PRR33: variants seen among roughly 807,000 people sequenced by gnomAD.
PRR33 encodes the protein proline rich 33.
PRR33 carries 1 observed loss-of-function variant against 0.5 expected under a neutral mutation model. That is an observed-to-expected ratio of 2.18 (90% CI 0.77 to 10.34). PRR33 has a LOEUF of 10.34. PRR33 is among the 30% of genes most tolerant of loss of function. PRR33 has a pLI of 0.13. For synonymous variants in PRR33, 226 were observed against 110.0 expected (o/e 2.06, Z -6.60); for missense variants, 552 against 251.8 (o/e 2.19, Z -8.07).
chr11:1,917,276 G>A, the PRR33 span, among the ~76,000 whole-genome samples: 3 of 152,160 alleles, frequency 2.0e-5, no homozygotes, highest in Non-Finnish European at 2.9e-5. Context: ...CCAACCATGC[G>A]CACTGGGTGC....
At chr11:1,911,894 G>A in the PRR33 span, among the ~76,000 whole-genome samples, 1 of 150,666 alleles carries the variant, frequency 6.6e-6, no homozygotes, top group African/African-American at 2.4e-5. Context: ...GGAATGGTGG[G>A]TCTCACCTGT....
chr11:1,914,891 C>T, the PRR33 span, among the ~76,000 whole-genome samples: 1 of 133,826 alleles, frequency 7.5e-6, no homozygotes, highest in Admixed American at 7.4e-5. Flanking sequence ...TGTGAGGTCA[C>T]ACACCTGGGA....
chr11:1,901,873 A>C, the PRR33 span, among the ~76,000 whole-genome samples: 1 of 152,258 alleles, frequency 6.6e-6, no homozygotes, highest in Non-Finnish European at 1.5e-5. Flanking sequence ...AAATGGTTTC[A>C]AGGTAGCCGT....
chr11:1,913,450 CT>C, the PRR33 span, among the ~76,000 whole-genome samples: 1 of 152,106 alleles, frequency 6.6e-6, no homozygotes, highest in Non-Finnish European at 1.5e-5. Context: ...CCGGCCCCCG[CT>C]TTCTGATATA....
the PRR33 span, among the ~76,000 whole-genome samples, chr11:1,915,935 G>A: frequency 1.3e-5 from 2 of 151,148 alleles, no homozygotes; most frequent in South Asian, 4.2e-4. Flanking sequence ...AATGATGGAT[G>A]GATGGATGGA....
chr11:1,917,397 C>G, the PRR33 span, among the ~76,000 whole-genome samples: 2 of 152,220 alleles, frequency 1.3e-5, no homozygotes, highest in Non-Finnish European at 2.9e-5. Flanking sequence ...CTCCCCACTC[C>G]CTGGGCTTGG....
chr11:1,915,533 G>C, the PRR33 span, among the ~76,000 whole-genome samples: 2 of 105,512 alleles, frequency 1.9e-5, no homozygotes, highest in African/African-American at 7.7e-5. Flanking sequence ...GGATGTTTCT[G>C]TGTGTGTGTG....
the PRR33 span, among the ~76,000 whole-genome samples, chr11:1,908,579 A>G: frequency 6.6e-6 from 1 of 152,124 alleles, no homozygotes; most frequent in African/African-American, 2.4e-5. Context: ...AAAATGTTCA[A>G]ATTCTACTTT....
At chr11:1,889,279 G>A in exon 1 of PRR33, 1 of 696,826 alleles carries the variant, frequency 1.4e-6, no homozygotes, top group Middle Eastern at 2.3e-4. Flanking sequence ...GGCCGGTACA[G>A]GAAGGGCAGG....
exon 1 of PRR33, chr11:1,889,840 G>A (rs765247059): frequency 9.6e-5 from 61 of 634,234 alleles, no homozygotes; most frequent in Middle Eastern, 2.5e-4. Flanking sequence ...GGTGGCGGCC[G>A]TGGTACAGGG....
At chr11:1,917,087 A>G in the PRR33 span, among the ~76,000 whole-genome samples, 1 of 152,214 alleles carries the variant, frequency 6.6e-6, no homozygotes, top group Non-Finnish European at 1.5e-5. Flanking sequence ...GTGGGGAGGC[A>G]GCTACCTAGG....
chr11:1,895,011 A>C (rs2133155322), upstream of PRR33, among the ~76,000 whole-genome samples: 1 of 152,330 alleles, frequency 6.6e-6, no homozygotes, highest in East Asian at 1.9e-4. Flanking sequence ...GGTGCCGTGC[A>C]GCTTTGCACG....
chr11:1,895,280 T>C (rs1319918792), upstream of PRR33, among the ~76,000 whole-genome samples: 1 of 152,060 alleles, frequency 6.6e-6, no homozygotes, highest in Non-Finnish European at 1.5e-5. Flanking sequence ...CTACAGGCAT[T>C]TGCCACCACG....
the PRR33 span, among the ~76,000 whole-genome samples, chr11:1,901,364 G>A: frequency 4.6e-5 from 7 of 150,910 alleles, no homozygotes; most frequent in East Asian, 1.9e-4. Flanking sequence ...GTCTCTCACC[G>A]TCTCAGTCAA....
chr11:1,895,910 A>G (rs1312069179), upstream of PRR33, among the ~76,000 whole-genome samples: 1 of 152,116 alleles, frequency 6.6e-6, no homozygotes, highest in Admixed American at 6.6e-5. Context: ...TGGGCGGCTG[A>G]GGTGGGAGGA....
the PRR33 span, among the ~76,000 whole-genome samples, chr11:1,914,602 G>GTT: frequency 6.7e-6 from 1 of 149,610 alleles, no homozygotes; most frequent in African/African-American, 2.5e-5. Flanking sequence ...GTGTGTGTGT[G>GTT]TGTGTGTTCT....
the PRR33 span, among the ~76,000 whole-genome samples, chr11:1,904,512 G>A: frequency 6.6e-6 from 1 of 151,206 alleles, no homozygotes; most frequent in African/African-American, 2.4e-5. Flanking sequence ...CTGGGCGACA[G>A]AGCAAGACTC....
exon 1 of PRR33, chr11:1,889,740 T>G: frequency 1.5e-6 from 1 of 657,030 alleles, no homozygotes; most frequent in Non-Finnish European, 2.8e-6. Context: ...GACCAGGCTG[T>G]GCGGTGAGGA....
chr11:1,896,575 C>T (rs998933129), upstream of PRR33, among the ~76,000 whole-genome samples: 7 of 152,176 alleles, frequency 4.6e-5, no homozygotes, highest in African/African-American at 1.4e-4. Flanking sequence ...TAGATGGTCA[C>T]GTTATCTGTA....
Sources: allele counts gnomAD v4.1 joint callset (sites outside exome capture counted in the v4.1 genomes callset), GRCh38; gene constraint gnomAD v4.1.1; transcripts MANE v1.5; gene names NCBI Gene and HGNC (gene_info 2026-07-23, HGNC 2026-07-21).